RNF150: variants seen among roughly 807,000 people sequenced by gnomAD.
The protein encoded by RNF150 is ring finger protein 150.
Under a neutral mutation model 39.3 loss-of-function variants are expected in RNF150, and 24 were observed. The ratio of observed to expected loss-of-function variants is 0.61; its 90% CI spans 0.44 to 0.86. RNF150 has a LOEUF of 0.86. Among genes scored for constraint, RNF150 ranks in the 40% least tolerant of loss-of-function variants. The probability of loss-of-function intolerance (pLI) is 0.00; values close to 1 mark genes in which losing one functional copy is unlikely to be tolerated. For synonymous variants in RNF150, 255 were observed against 227.3 expected, an observed-to-expected ratio of 1.12 and a Z score of -1.10; for missense variants, 502 against 587.8, an observed-to-expected ratio of 0.85 and a Z score of 1.51.
Position 141,152,615 on chromosome 4 carries a change from T to C in RNF150, c.-6+60179A>G, listed in dbSNP as rs79201615. On this transcript the variant is annotated intron_variant, in intron 1 of 7. Coordinates refer to the RNF150 transcript ENST00000420921. ...TCTCACTATGAATTACGTAATGAGA[T>C]CTTCTCAACCCTTATATTTACTTTA... is the stretch of plus-strand genomic sequence containing the variant. Among the ~76,000 whole-genome samples, 1,186 of 152,290 alleles carry C rather than the reference T, an allele frequency of 7.8e-3. 17 individuals carry two copies. The highest frequency in any genetic ancestry group is 0.027 in the African/African-American group (1,103 of 41,550).
intron 1 of RNF150, among the ~76,000 whole-genome samples, chr4:141,126,616 C>A (rs1726762190): frequency 6.6e-6 from 1 of 152,096 alleles, no homozygotes; most frequent in African/African-American, 2.4e-5. Flanking sequence ...AGACTTGGAC[C>A]AACTGGAGGG....
Position 140,860,587 on chromosome 4 carries a change from A to C in RNF150, c.*7674T>G, listed in dbSNP as rs972766212. 5.2e-4 allele frequency: 79 copies of C among 152,310 alleles called. No individual in the cohort carries two copies. Among genetic ancestry groups the C allele is most frequent in the African/African-American group, 1.8e-3 (74 of 41,572 alleles). 9.4% of individuals were successfully genotyped at this position (152,310 alleles called of 1,614,324 possible). A position where few individuals can be genotyped will look rare whatever the true frequency, so the allele number is the denominator to read the frequency against. On this transcript the variant is annotated 3_prime_UTR_variant, in exon 7 of 7. Transcript: ENST00000515673. ...ACTTTACCCCAACATCAATCATTTT[A>C]CAACAAAAGCATTTTGTTGCAAGCA...
intron 1 of RNF150, among the ~76,000 whole-genome samples, chr4:141,180,554 G>C (rs2111187263): frequency 6.6e-6 from 1 of 152,218 alleles, no homozygotes; most frequent in Non-Finnish European, 1.5e-5. Flanking sequence ...ACTCTGCTTA[G>C]TCTTTTGTAA....
At chr4:140,931,798 A>T (rs1277077523) in intron 4 of RNF150, among the ~76,000 whole-genome samples, 1 of 152,280 alleles carries the variant, frequency 6.6e-6, no homozygotes, top group Non-Finnish European at 1.5e-5. Context: ...GAGGATGCAG[A>T]CAACTGCATA....
At chr4:141,059,922 T>C (rs900302604) in intron 1 of RNF150, among the ~76,000 whole-genome samples, 1 of 152,130 alleles carries the variant, frequency 6.6e-6, no homozygotes, top group African/African-American at 2.4e-5. Flanking sequence ...ACTCTAAATA[T>C]ATACTTTGCT....
intron 4 of RNF150, among the ~76,000 whole-genome samples, chr4:140,946,213 T>C (rs1732304746): frequency 6.6e-6 from 1 of 152,228 alleles, no homozygotes; most frequent in African/African-American, 2.4e-5. Flanking sequence ...ATGCCTATTT[T>C]CCTAATGATC....
At chr4:140,981,412 T>A (rs968090930) in intron 1 of RNF150, among the ~76,000 whole-genome samples, 1 of 152,194 alleles carries the variant, frequency 6.6e-6, no homozygotes, top group Admixed American at 6.6e-5. Flanking sequence ...AAATAAAATT[T>A]GTGTACACTG....
At chr4:141,019,492 G>A (rs1364774718) in intron 1 of RNF150, among the ~76,000 whole-genome samples, 1 of 152,050 alleles carries the variant, frequency 6.6e-6, no homozygotes, top group Non-Finnish European at 1.5e-5. Context: ...CCCAGAACCA[G>A]ACATAGTGTT....
chr4:141,120,045 T>C (rs947441532), intron 1 of RNF150, among the ~76,000 whole-genome samples: 1 of 152,246 alleles, frequency 6.6e-6, no homozygotes, highest in African/African-American at 2.4e-5. Context: ...GTATCATTCA[T>C]TCATATTTTC....
chr4:141,137,572 G>C (rs1294320215), upstream of RNF150, among the ~76,000 whole-genome samples: 2 of 152,190 alleles, frequency 1.3e-5, no homozygotes, highest in Non-Finnish European at 2.9e-5. Flanking sequence ...GAAGATGATT[G>C]CAAGAGAAGT....
chr4:140,939,606 T>TTG (rs142516967), intron 4 of RNF150, among the ~76,000 whole-genome samples: 303 of 138,576 alleles, frequency 2.2e-3, no homozygotes, highest in African/African-American at 7.6e-3. Context: ...CAAGTGGAGT[T>TTG]TGTGTGTGTG....
intron 1 of RNF150, among the ~76,000 whole-genome samples, chr4:141,088,523 C>T (rs190283137): frequency 1.4e-3 from 207 of 152,172 alleles, no homozygotes; most frequent in Non-Finnish European, 2.1e-4. Flanking sequence ...GTAGGCATTG[C>T]ATTTAAAAAG....
intron 1 of RNF150, among the ~76,000 whole-genome samples, chr4:140,997,550 A>G (rs1483751087): frequency 1.3e-5 from 2 of 152,070 alleles, no homozygotes; most frequent in Admixed American, 1.3e-4. Flanking sequence ...CAAATCCAAC[A>G]CTTAAAAGAC....
intron 5 of RNF150, among the ~76,000 whole-genome samples, chr4:140,921,283 G>A (rs1053756735): frequency 3.3e-5 from 5 of 151,426 alleles, no homozygotes; most frequent in Non-Finnish European, 5.9e-5. Flanking sequence ...TGGCAAAGGG[G>A]ATATCACCAC....
chr4:140,949,442 A>G, intron 2 of RNF150, 70 bp from the exon 3 acceptor site: 1 of 1,293,356 alleles, frequency 7.7e-7, no homozygotes, highest in South Asian at 1.2e-5. Flanking sequence ...GATATCATTT[A>G]ATACACCAGG....
At chr4:140,927,996 A>T (rs1731464907) in intron 4 of RNF150, among the ~76,000 whole-genome samples, 1 of 151,920 alleles carries the variant, frequency 6.6e-6, no homozygotes, top group Non-Finnish European at 1.5e-5. Context: ...ATTTCTTTAT[A>T]GCAGTGTGAG....
At chr4:140,924,320 A>G (rs1731297710) in intron 5 of RNF150, among the ~76,000 whole-genome samples, 1 of 152,216 alleles carries the variant, frequency 6.6e-6, no homozygotes, top group Non-Finnish European at 1.5e-5. Context: ...AATAATTAAC[A>G]GCAATATTTG....
At chr4:140,986,484 A>G (rs1734020520) in intron 1 of RNF150, among the ~76,000 whole-genome samples, 1 of 152,096 alleles carries the variant, frequency 6.6e-6, no homozygotes, top group Admixed American at 6.6e-5. Flanking sequence ...CTCACGTTTG[A>G]ACCAGCAGCT....
At position 140,879,355 on chromosome 4, in the gene RNF150, A is replaced by G. The variant is rs1729289363; in HGVS notation, c.1199-10976T>C. ...GACATTTTAACAACATTGTCTTCCA[A>G]TCCGTGAACATGTGATATCTTTCCA... On this transcript the variant is annotated intron_variant, in intron 6 of 6. Coordinates refer to ENST00000515673, the MANE Select transcript of RNF150 (RefSeq NM_020724.2). Among the ~76,000 whole-genome samples the G allele has an allele frequency of 2.0e-5, 3 of 152,210 alleles. No homozygotes were observed. In the South Asian group the frequency reaches 6.2e-4, roughly 32 times the overall value.
Sources: allele counts gnomAD v4.1 joint callset (sites outside exome capture counted in the v4.1 genomes callset), GRCh38; gene constraint gnomAD v4.1.1; transcripts MANE v1.5; gene names NCBI Gene and HGNC (gene_info 2026-07-23, HGNC 2026-07-21).